The following ETV6 variants were observed in gnomAD, a reference collection of about 807,000 sequenced individuals.
ETV6 encodes the protein transcription factor ETV6.
Under a neutral mutation model 51.1 loss-of-function variants are expected in ETV6, and 16 were observed. That is an observed-to-expected ratio of 0.31 (90% CI 0.21 to 0.48). The LOEUF (loss-of-function observed/expected upper bound fraction) is 0.48, where lower values mean the gene tolerates loss of function less well. Among genes scored for constraint, ETV6 ranks in the 20% least tolerant of loss-of-function variants. The pLI is 0.99. For synonymous variants in ETV6, 240 were observed against 224.1 expected (o/e 1.07, Z -0.64); for missense variants, 458 against 594.8 (o/e 0.77, Z 2.39).
intron 1 of ETV6, among the ~76,000 whole-genome samples, chr12:11,674,663 T>TGTGTGTGTGTGTGTG (rs1555113011): frequency 1.3e-5 from 1 of 76,448 alleles, no homozygotes. Context: ...GTGTGTGTGT[T>TGTGTGTGTGTGTGTG]TGGTGTTTTC....
intron 1 of ETV6, among the ~76,000 whole-genome samples, chr12:11,713,731 T>A (rs1437826424): frequency 6.6e-6 from 1 of 152,242 alleles, no homozygotes; most frequent in Non-Finnish European, 1.5e-5. Flanking sequence ...CTGGAATATA[T>A]ATTTATTTCT....
chr12:11,806,886 T>C (rs1278948001), intron 2 of ETV6, among the ~76,000 whole-genome samples: 5 of 152,220 alleles, frequency 3.3e-5, no homozygotes, highest in African/African-American at 1.2e-4. Context: ...CCTTTGAGCC[T>C]GGAAATCAGC....
intron 1 of ETV6, among the ~76,000 whole-genome samples, chr12:11,718,494 G>A (rs1247414755): frequency 1.3e-5 from 2 of 151,936 alleles, no homozygotes; most frequent in East Asian, 3.9e-4. Flanking sequence ...GGCTAGGTGT[G>A]GTGGCACACT....
chr12:11,735,244 TCTG>T (rs1157238991), intron 1 of ETV6, among the ~76,000 whole-genome samples: 1 of 152,056 alleles, frequency 6.6e-6, no homozygotes, highest in African/African-American at 2.4e-5. Flanking sequence ...CATGGCCACT[TCTG>T]CTGAAAGTAC....
At chr12:11,785,233 C>T (rs1243004113) in intron 2 of ETV6, among the ~76,000 whole-genome samples, 1 of 152,064 alleles carries the variant, frequency 6.6e-6, no homozygotes, top group African/African-American at 2.4e-5. Flanking sequence ...TACCTCAGGC[C>T]TTTGCACTTG....
intron 1 of ETV6, among the ~76,000 whole-genome samples, chr12:11,749,348 C>CAT (rs1181646203): frequency 2.8e-4 from 37 of 130,138 alleles, no homozygotes; most frequent in Non-Finnish European, 5.2e-4. Flanking sequence ...CACACACACA[C>CAT]ACCCCTACTC....
intron 2 of ETV6, among the ~76,000 whole-genome samples, chr12:11,784,862 A>ATTTTTTT (rs34004409): frequency 9.3e-5 from 8 of 85,752 alleles, no homozygotes; most frequent in Admixed American, 2.9e-4. Context: ...TGCCTTGCTA[A>ATTTTTTT]TTTTTTTTTT....
intron 1 of ETV6, among the ~76,000 whole-genome samples, chr12:11,738,899 G>A (rs1048304656): frequency 2.0e-5 from 3 of 152,064 alleles, no homozygotes; most frequent in East Asian, 1.9e-4. Flanking sequence ...GCTGCGCAAC[G>A]TTTTTTAGGT....
intron 5 of ETV6, among the ~76,000 whole-genome samples, chr12:11,877,584 G>A (rs867634345): frequency 2.6e-5 from 4 of 152,092 alleles, no homozygotes; most frequent in Admixed American, 6.5e-5. Context: ...TGAAAGAGCC[G>A]CTTCCTCCCA....
chr12:11,668,263 A>G (rs1230821872), intron 1 of ETV6, among the ~76,000 whole-genome samples: 2 of 152,230 alleles, frequency 1.3e-5, no homozygotes, highest in East Asian at 1.9e-4. Flanking sequence ...TGAAATGCCA[A>G]TAAGAATGCA....
chr12:11,707,341 G>A lies in ETV6; in HGVS notation c.34-45109G>A, dbSNP rs1268381238. 2.6e-5 allele frequency among the ~76,000 whole-genome samples: 4 copies of A among 152,212 alleles called. No individual in the cohort carries two copies. The East Asian group carries it at 7.7e-4, about 29-fold the overall frequency. On this transcript the variant is annotated intron_variant, in intron 1 of 7. Transcript: ENST00000396373. ...GCAGGCAGGCTCACCTGCTAGAGGT[G>A]GTCTCCTGGCTTAGAATGGGAGCAC...
intron 1 of ETV6, among the ~76,000 whole-genome samples, 163 bp from the exon 2 acceptor site, chr12:11,752,287 A>G (rs575022609): frequency 6.6e-6 from 1 of 152,152 alleles, no homozygotes; most frequent in African/African-American, 2.4e-5. Flanking sequence ...AGACAACTGT[A>G]TACAGTGTCT....
intron 2 of ETV6, among the ~76,000 whole-genome samples, chr12:11,826,874 C>T (rs1360333924): frequency 6.6e-6 from 1 of 152,086 alleles, no homozygotes. Context: ...TTTAGCTTTC[C>T]TGACTCCAAG....
intron 3 of ETV6, among the ~76,000 whole-genome samples, chr12:11,848,279 G>A (rs1946494232): frequency 6.6e-6 from 1 of 152,178 alleles, no homozygotes; most frequent in African/African-American, 2.4e-5. Context: ...ATGGCTCGGA[G>A]AAGAAAAATA....
At position 11,885,904 on chromosome 12, in the gene ETV6, C is replaced by T. The variant is rs1331447780; in HGVS notation, c.1153-22C>T. 5 of 1,570,130 alleles carry T rather than the reference C, an allele frequency of 3.2e-6. No homozygotes were observed. In the Admixed American group the frequency reaches 6.9e-5, roughly 22 times the overall value. On this transcript the variant is annotated intron_variant, in intron 6 of 7. Transcript: ENST00000396373. ...ATTGTGTCTTTGTGCTTTTTTTCTC[C>T]CTTCCTCCTTTGAACAAACAGAACA...
intron 7 of ETV6, among the ~76,000 whole-genome samples, chr12:11,888,398 C>CTTTTCTTTTCTTTTTTT (rs753710183): frequency 6.2e-5 from 5 of 80,684 alleles, no homozygotes; most frequent in Non-Finnish European, 1.3e-4. Context: ...CTTTTCTTTT[C>CTTTTCTTTTCTTTTTTT]TTTTTTTTTT....
chr12:11,675,324 T>C, intron 1 of ETV6, among the ~76,000 whole-genome samples: 1 of 152,340 alleles, frequency 6.6e-6, no homozygotes, highest in African/African-American at 2.4e-5. Context: ...AAAAAGCCCC[T>C]GGAAATCCTA....
intron 1 of ETV6, among the ~76,000 whole-genome samples, chr12:11,707,051 T>C (rs113469195): frequency 5.1e-4 from 78 of 152,332 alleles, no homozygotes; most frequent in African/African-American, 1.7e-3. Context: ...TTTGGCTGAC[T>C]CTGAAGAAGG....
chr12:11,876,719 A>G (rs1946990756), intron 5 of ETV6, among the ~76,000 whole-genome samples: 1 of 152,116 alleles, frequency 6.6e-6, no homozygotes, highest in Non-Finnish European at 1.5e-5. Flanking sequence ...CAAATAGAGA[A>G]TATCTCCTTT....
Sources: gnomAD v4.1 joint callset for allele counts (sites outside exome capture counted in the v4.1 genomes callset) on GRCh38, gnomAD v4.1.1 for gene constraint, MANE v1.5 for transcripts, NCBI Gene and HGNC (gene_info 2026-07-23, HGNC 2026-07-21) for gene names.